CASP10: variants seen among roughly 807,000 people sequenced by gnomAD.
CASP10 encodes caspase 10.
In CASP10, 41 loss-of-function variants were observed where a neutral mutation model predicts 48.5. The ratio of observed to expected loss-of-function variants is 0.85; its 90% CI spans 0.66 to 1.10. The LOEUF is 1.10. Ranked by LOEUF, CASP10 falls within the 50% of genes least tolerant of loss-of-function variation. The pLI is 0.00. For missense variants in CASP10, 614 were observed against 614.5 expected, an observed-to-expected ratio of 1.00 and a Z score of 0.01; for synonymous variants, 232 against 238.4, an observed-to-expected ratio of 0.97 and a Z score of 0.25.
chr2:201,217,891 T>C lies in CASP10; in HGVS notation c.*150T>C, dbSNP rs1376874592. 1.9e-6 allele frequency: 3 copies of C among 1,561,464 alleles called. No individual in the cohort carries two copies. In the African/African-American group the frequency reaches 4.1e-5, roughly 22 times the overall value. ...TGACACAGTCAATTCTGATTTTCTT[T>C]TTCTTTTGCAAGTCTAAATGTTAGA... On this transcript the variant is annotated 3_prime_UTR_variant, in exon 10 of 10. Coordinates refer to ENST00000286186, the MANE Select transcript of CASP10 (RefSeq NM_032977.4).
In CASP10 at chr2:201,206,201, G is replaced by A. The variant is rs1945199414; in HGVS notation, c.813+228G>A. On this transcript the variant is annotated intron_variant, in intron 7 of 9. Transcript: ENST00000286186. ...AGTGACTGATCCCTTTGACTGTGGA[G>A]GAAATGCTGTTACACTTTGAGTCAT... is the stretch of plus-strand genomic sequence containing the variant. The A allele has an allele frequency of 7.0e-6, 3 of 428,426 alleles. No individual in the cohort carries two copies. The South Asian group carries it at 7.2e-5, about 10-fold the overall frequency. 26.5% of individuals were successfully genotyped at this position (428,426 alleles called of 1,614,324 possible). A position where few individuals can be genotyped will look rare whatever the true frequency, so the allele number is the denominator to read the frequency against.
chr2:201,217,176 C>T (rs900511836), intron 9 of CASP10, among the ~76,000 whole-genome samples: 4 of 152,182 alleles, frequency 2.6e-5, no homozygotes, highest in African/African-American at 9.7e-5. Context: ...GTATCTGTGG[C>T]ATCTGCTGCA....
At chr2:201,215,173 A>T (rs1288977169) in intron 9 of CASP10, among the ~76,000 whole-genome samples, 2 of 140,344 alleles carry the variant, frequency 1.4e-5, no homozygotes, top group African/African-American at 2.6e-5. Context: ...TATAATTTGC[A>T]AATTTTTTTC....
At position 201,219,257 on chromosome 2, in the gene CASP10, GA is replaced by G. The variant is rs1945661472; in HGVS notation, c.*1517del. On this transcript the variant is annotated 3_prime_UTR_variant, in exon 10 of 10. Coordinates refer to ENST00000286186, the MANE Select transcript of CASP10 (RefSeq NM_032977.4). ...TGCACTCCAGCTTGGGCAACAGGGCGAGACCTTGTTTAAAAAAAAAATTCAA... is the reference window on the plus strand; with the variant it reads ...TGCACTCCAGCTTGGGCAACAGGGCGGACCTTGTTTAAAAAAAAAATTCAA... 4.5e-6 allele frequency: 1 copy of G among 223,532 alleles called. No individual in the cohort carries two copies. The highest frequency in any genetic ancestry group is 2.3e-5 in the African/African-American group (1 of 42,696). 13.8% of individuals were successfully genotyped at this position (223,532 alleles called of 1,614,324 possible).
chr2:201,215,794 G>A (rs1945551254), intron 9 of CASP10, among the ~76,000 whole-genome samples: 1 of 151,974 alleles, frequency 6.6e-6, no homozygotes, highest in South Asian at 2.1e-4. Flanking sequence ...TGTGAAGAAT[G>A]TAATTTTTTT....
chr2:201,203,855 T>G, intron 6 of CASP10, 89 bp downstream of exon 6: 1 of 1,031,692 alleles, frequency 9.7e-7, no homozygotes, highest in South Asian at 1.3e-5. Context: ...CAAGGTGACT[T>G]GGAAGAGAAG....
intron 7 of CASP10, 189 bp downstream of exon 7, chr2:201,206,162 C>T: frequency 1.9e-6 from 1 of 516,106 alleles, no homozygotes; most frequent in African/African-American, 1.9e-5. Flanking sequence ...CCACCTTTTT[C>T]TGTATCAATC....
rs1576147939 is a variant in CASP10, at chr2:201,217,894, C to A, written c.*153C>A. ...CACAGTCAATTCTGATTTTCTTTTT[C>A]TTTTGCAAGTCTAAATGTTAGAAAA... On this transcript the variant is annotated 3_prime_UTR_variant, in exon 10 of 10. Coordinates refer to ENST00000286186, the MANE Select transcript of CASP10 (RefSeq NM_032977.4). 6.4e-7 allele frequency: 1 copy of A among 1,556,306 alleles called. No individual in the cohort carries two copies. The highest frequency in any genetic ancestry group is 8.7e-7 in the Non-Finnish European group (1 of 1,155,310).
rs1945281704 is a variant in CASP10, at chr2:201,208,433, A to G, written c.922+250A>G. The stretch of plus-strand genomic sequence containing the variant: ...GAGCCTGCTGGATTGGCACGAGACA[A>G]CTTGGGCGTGAGCTCCAGCTCCACC... On this transcript the variant is annotated intron_variant, in intron 8 of 9. Transcript: ENST00000286186. The G allele has an allele frequency of 2.1e-6, 2 of 933,434 alleles. 1 individual carries two copies. The highest frequency in any genetic ancestry group is 1.2e-4 in the Admixed American group (2 of 16,198). 57.8% of individuals were successfully genotyped at this position (933,434 alleles called of 1,614,324 possible).
chr2:201,217,550 C>A (rs1489564463), intron 9 of CASP10, 38 bp from the exon 10 acceptor site: 7 of 1,449,736 alleles, frequency 4.8e-6, no homozygotes, highest in African/African-American at 2.8e-5. Context: ...CAGAGTGAGA[C>A]TCCGTAAAAA....
At chr2:201,208,803 C>T (rs971145105) in intron 8 of CASP10, among the ~76,000 whole-genome samples, 7 of 152,006 alleles carry the variant, frequency 4.6e-5, no homozygotes, top group Non-Finnish European at 8.8e-5. Context: ...CTCAGCCTCC[C>T]GAGTAGCAGG....
In CASP10 at chr2:201,220,926, G is replaced by A. The variant is rs1404070451; in HGVS notation, c.*3185G>A. The A allele has an allele frequency of 1.0e-6, 1 of 985,334 alleles. No individual in the cohort carries two copies. The highest frequency in any genetic ancestry group is 1.2e-6 in the Non-Finnish European group (1 of 829,952). 61.0% of individuals were successfully genotyped at this position (985,334 alleles called of 1,614,324 possible). A position where few individuals can be genotyped will look rare whatever the true frequency, so the allele number is the denominator to read the frequency against. ...ATTTCCATTTTGTCCTGATTCCTTT[G>A]CTCAGAGACACTAACTAAATCAAGC... On this transcript the variant is annotated 3_prime_UTR_variant, in exon 10 of 10. Transcript: ENST00000286186.
At chr2:201,213,219 G>A (rs983860581) in intron 9 of CASP10, 23 of 152,114 alleles carry the variant, frequency 1.5e-4, no homozygotes, top group Non-Finnish European at 2.9e-5. Context: ...AACTTTATCG[G>A]TAAATAAGAA....
chr2:201,220,296 T>A lies in CASP10; in HGVS notation c.*2555T>A. ...CAGCCAGAAAGAGAAGAGAGTAAAA[T>A]ACAGATAAGACAGCTCTGGCATAGA... On this transcript the variant is annotated 3_prime_UTR_variant, in exon 10 of 10. Coordinates refer to ENST00000286186, the MANE Select transcript of CASP10 (RefSeq NM_032977.4). 4.0e-6 allele frequency: 1 copy of A among 248,814 alleles called. No individual in the cohort carries two copies. The highest frequency in any genetic ancestry group is 6.2e-6 in the Non-Finnish European group (1 of 161,006). The allele number at this position is 248,814 out of a possible 1,614,324, so 15.4% of individuals were successfully genotyped here. A position where few individuals can be genotyped will look rare whatever the true frequency, so the allele number is the denominator to read the frequency against.
chr2:201,227,638 G>A (rs1430943343), intron 9 of CASP10, among the ~76,000 whole-genome samples: 1 of 152,012 alleles, frequency 6.6e-6, no homozygotes, highest in Non-Finnish European at 1.5e-5. Flanking sequence ...CTCACTGCAA[G>A]CTCCACCTCC....
rs1945316544 is a variant in CASP10, at chr2:201,209,256, C to T, written c.1109C>T (p.Ala370Val). The change falls in exon 9 of 10, where the codon GCC (alanine) becomes GTC (valine). Residue 370 changes from alanine to valine, a missense_variant. Transcript: ENST00000286186. ...RFGAVYSSDE[A>V]LIPIREIMSH... ...GGAGCTGTCTACTCTTCGGATGAGG[C>T]CCTCATTCCCATTCGGGAGATCATG... The T allele has an allele frequency of 1.2e-6, 2 of 1,614,034 alleles. No homozygotes were observed. Among genetic ancestry groups the T allele is most frequent in the African/African-American group, 2.7e-5 (2 of 74,924 alleles).
At position 201,221,464 on chromosome 2, in the gene CASP10, A is replaced by C. The variant is rs945039338; in HGVS notation, c.*3723A>C. The C allele has an allele frequency of 4.7e-6, 1 of 214,916 alleles. No homozygotes were observed. Among genetic ancestry groups the C allele is most frequent in the Non-Finnish European group, 8.0e-6 (1 of 125,334 alleles). The allele number at this position is 214,916 out of a possible 1,614,324, so 13.3% of individuals were successfully genotyped here. On this transcript the variant is annotated 3_prime_UTR_variant, in exon 10 of 10. Coordinates refer to ENST00000286186, the MANE Select transcript of CASP10 (RefSeq NM_032977.4). Reference sequence around the variant, plus strand: ...CTTGTGAAATTCCTTCTCCTGGCTCATCCTGGCTCAAAAGCTCCCCCAGTG... The same window carrying C: ...CTTGTGAAATTCCTTCTCCTGGCTCCTCCTGGCTCAAAAGCTCCCCCAGTG...
At chr2:201,201,217 T>C (rs1300994414) in intron 5 of CASP10, among the ~76,000 whole-genome samples, 3 of 151,510 alleles carry the variant, frequency 2.0e-5, no homozygotes, top group Non-Finnish European at 4.4e-5. Context: ...GCCTGGCTAA[T>C]TTTTTTTGTA....
chr2:201,188,404 T>G (rs1432127416), intron 3 of CASP10, among the ~76,000 whole-genome samples: 1 of 152,042 alleles, frequency 6.6e-6, no homozygotes, highest in Non-Finnish European at 1.5e-5. Context: ...GGTCTAGAAC[T>G]CCTGACTTCA....
Sources: gnomAD v4.1 joint callset for allele counts (sites outside exome capture counted in the v4.1 genomes callset) on GRCh38, gnomAD v4.1.1 for gene constraint, MANE v1.5 for transcripts, NCBI Gene and HGNC (gene_info 2026-07-23, HGNC 2026-07-21) for gene names.